RCAN2: variants seen among roughly 807,000 people sequenced by gnomAD.
The protein encoded by RCAN2 is regulator of calcineurin 2, also known as calcipressin-2.
RCAN2 carries 9 observed loss-of-function variants against 23.6 expected under a neutral mutation model. That is an observed-to-expected ratio of 0.38 (90% CI 0.23 to 0.67). The LOEUF (loss-of-function observed/expected upper bound fraction) is 0.67, where lower values mean the gene tolerates loss of function less well. RCAN2 is among the 30% of genes least tolerant of loss of function. The probability of loss-of-function intolerance (pLI) is 0.51; values close to 1 mark genes in which losing one functional copy is unlikely to be tolerated. For missense variants in RCAN2, 273 were observed against 302.3 expected (o/e 0.90, Z 0.72); for synonymous variants, 109 against 115.7 (o/e 0.94, Z 0.37).
chr6:46,325,661 C>T, intron 2 of RCAN2: 1 of 1,404,374 alleles, frequency 7.1e-7, no homozygotes, highest in Non-Finnish European at 9.2e-7. Flanking sequence ...TGAGGCAGCA[C>T]AGCAGAGTAA....
chr6:46,469,412 A>G (rs1175404324), intron 1 of RCAN2, among the ~76,000 whole-genome samples: 1 of 152,168 alleles, frequency 6.6e-6, no homozygotes, highest in East Asian at 1.9e-4. Context: ...CACCCCCTCC[A>G]GCAGCTGATC....
At chr6:46,320,586 T>C (rs1165879863) in intron 2 of RCAN2, among the ~76,000 whole-genome samples, 1 of 152,198 alleles carries the variant, frequency 6.6e-6, no homozygotes, top group East Asian at 1.9e-4. Flanking sequence ...AGGGGATTTT[T>C]CTCAGCATGA....
intron 2 of RCAN2, among the ~76,000 whole-genome samples, chr6:46,291,302 T>C (rs1582071428): frequency 7.0e-6 from 1 of 142,818 alleles, no homozygotes; most frequent in South Asian, 2.3e-4. Flanking sequence ...TTTCCACTGG[T>C]GTTATTTTTG....
intron 1 of RCAN2, chr6:46,468,911 C>T (rs1427528061): frequency 2.2e-6 from 2 of 907,416 alleles, no homozygotes; most frequent in East Asian, 1.2e-4. Context: ...TCCTCCTTAA[C>T]TTTACTTGTT....
At chr6:46,447,477 G>T (rs559778103) in intron 2 of RCAN2, among the ~76,000 whole-genome samples, 25 of 151,910 alleles carry the variant, frequency 1.6e-4, no homozygotes, top group Admixed American at 5.2e-4. Context: ...GACTTAAACT[G>T]CACATTAGAC....
intron 2 of RCAN2, among the ~76,000 whole-genome samples, chr6:46,404,860 C>T (rs1766352151): frequency 6.6e-6 from 1 of 152,172 alleles, no homozygotes; most frequent in Non-Finnish European, 1.5e-5. Flanking sequence ...TATGACTGCA[C>T]CACAGGTTTT....
At chr6:46,464,449 G>A (rs1768314064) in intron 1 of RCAN2, among the ~76,000 whole-genome samples, 1 of 151,930 alleles carries the variant, frequency 6.6e-6, no homozygotes, top group African/African-American at 2.4e-5. Context: ...TTGCCCTTTG[G>A]GTGTTTTAAT....
At chr6:46,368,817 T>C (rs1429962997) in intron 2 of RCAN2, among the ~76,000 whole-genome samples, 5 of 152,158 alleles carry the variant, frequency 3.3e-5, no homozygotes, top group Admixed American at 3.3e-4. Flanking sequence ...CCTAGAACAT[T>C]CACTTTATAA....
intron 2 of RCAN2, among the ~76,000 whole-genome samples, chr6:46,356,529 A>G (rs1400897096): frequency 6.6e-6 from 1 of 152,170 alleles, no homozygotes; most frequent in Non-Finnish European, 1.5e-5. Context: ...AGCCAATTAG[A>G]AACCTCCTGG....
At chr6:46,326,153 G>A (rs935065721) in intron 2 of RCAN2, among the ~76,000 whole-genome samples, 4 of 152,302 alleles carry the variant, frequency 2.6e-5, no homozygotes, top group Middle Eastern at 3.4e-3. Context: ...AGAGCTGGTC[G>A]TCTGTCATTT....
chr6:46,328,606 T>TTTTG (rs147253833), intron 2 of RCAN2, among the ~76,000 whole-genome samples: 5,074 of 151,676 alleles, frequency 0.033, 231 homozygotes, highest in African/African-American at 0.1. Context: ...TTCTCTAGAG[T>TTTTG]TTTGTTTGTT....
chr6:46,406,789 A>G (rs73454920), intron 2 of RCAN2, among the ~76,000 whole-genome samples: 4,879 of 152,330 alleles, frequency 0.032, 249 homozygotes, highest in African/African-American at 0.11. Context: ...AGTGTAAACG[A>G]CAGCCCTTTA....
chr6:46,415,699 T>A (rs1561896582), intron 2 of RCAN2, among the ~76,000 whole-genome samples: 2 of 151,642 alleles, frequency 1.3e-5, no homozygotes, highest in African/African-American at 4.8e-5. Flanking sequence ...CAATGACTTT[T>A]AAAAAAAAAT....
Position 46,303,247 on chromosome 6 carries a change from T to C in RCAN2, c.226-54351A>G, listed in dbSNP as rs189530781. On this transcript the variant is annotated intron_variant, in intron 2 of 4. Transcript: ENST00000371374. ...CCAAGCAGAACCAACACGAGATGTA[T>C]ATCTTCATATTAGCCTTGTGTACTT... Among the ~76,000 whole-genome samples the C allele has an allele frequency of 4.6e-5, 7 of 152,004 alleles. No homozygotes were observed. In the East Asian group the frequency reaches 1.4e-3, roughly 30 times the overall value.
chr6:46,373,422 G>A (rs996917075), intron 2 of RCAN2, among the ~76,000 whole-genome samples: 19 of 151,872 alleles, frequency 1.3e-4, no homozygotes, highest in African/African-American at 3.6e-4. Flanking sequence ...GCACTACCAC[G>A]CCTAGCTAAT....
intron 2 of RCAN2, among the ~76,000 whole-genome samples, chr6:46,356,502 C>T (rs1460004019): frequency 6.6e-6 from 1 of 152,136 alleles, no homozygotes; most frequent in African/African-American, 2.4e-5. Context: ...GCATCCAAGG[C>T]TGAGAACCTC....
intron 1 of RCAN2, among the ~76,000 whole-genome samples, chr6:46,470,055 C>T (rs74763934): frequency 0.017 from 2,638 of 152,262 alleles, 28 homozygotes; most frequent in Non-Finnish European, 0.027. Context: ...AAATTAATTT[C>T]TCTTCTTTTT....
chr6:46,389,354 T>A (rs999461232), intron 2 of RCAN2, among the ~76,000 whole-genome samples: 1 of 152,200 alleles, frequency 6.6e-6, no homozygotes, highest in Non-Finnish European at 1.5e-5. Context: ...TTCCTCTCAC[T>A]GGAATGTCCT....
chr6:46,282,227 A>T (rs1762206177), intron 2 of RCAN2, among the ~76,000 whole-genome samples: 2 of 152,142 alleles, frequency 1.3e-5, no homozygotes, highest in Admixed American at 1.3e-4. Context: ...CTGCTCTATT[A>T]TTGTGGTTAC....
Sources: allele counts gnomAD v4.1 joint callset (sites outside exome capture counted in the v4.1 genomes callset), GRCh38; gene constraint gnomAD v4.1.1; transcripts MANE v1.5; gene names NCBI Gene and HGNC (gene_info 2026-07-23, HGNC 2026-07-21).